Variants in RICTOR observed in about 807,000 individuals in gnomAD.
RICTOR encodes rapamycin-insensitive companion of mTOR.
A neutral mutation model predicts 214.9 loss-of-function variants in RICTOR; 49 were observed. The observed-to-expected ratio is 0.23, with a 90% CI of 0.18 to 0.29. The LOEUF (loss-of-function observed/expected upper bound fraction) is 0.29. Ranked by LOEUF, RICTOR falls within the 10% of genes least tolerant of loss-of-function variation. The pLI, the probability that RICTOR is intolerant of heterozygous loss-of-function variation, is 1.00. For missense variants in RICTOR, 1,625 were observed against 2,047.0 expected, an observed-to-expected ratio of 0.79 and a Z score of 3.98; for synonymous variants, 717 against 711.3, an observed-to-expected ratio of 1.01 and a Z score of -0.13.
chr5:39,007,581 C>T (rs1028071561), intron 3 of RICTOR, among the ~76,000 whole-genome samples: 8 of 151,874 alleles, frequency 5.3e-5, no homozygotes, highest in Non-Finnish European at 1.2e-4. Flanking sequence ...AAGGTTGAAA[C>T]AAATTGAGGA....
intron 2 of RICTOR, among the ~76,000 whole-genome samples, chr5:39,068,813 T>C (rs1462362571): frequency 1.3e-5 from 2 of 152,166 alleles, no homozygotes; most frequent in East Asian, 1.9e-4. Flanking sequence ...CTAGCTTGAA[T>C]AACAGAGGAT....
rs145105343 is a variant in RICTOR, at chr5:39,030,635, G to A, written c.98-9499C>T. ...ATAACATGAACCAAGATTCTATGAA[G>A]AGTTTTAAGCTTTATGAGGACAAGG... is the stretch of plus-strand genomic sequence containing the variant. On this transcript the variant is annotated intron_variant, in intron 2 of 37. Transcript: ENST00000357387. Among the ~76,000 whole-genome samples the A allele has an allele frequency of 3.0e-4, 45 of 152,238 alleles. 1 individual carries two copies. The East Asian group carries it at 8.1e-3, about 27-fold the overall frequency.
chr5:39,065,826 G>A (rs1758864855), intron 2 of RICTOR, among the ~76,000 whole-genome samples: 1 of 152,256 alleles, frequency 6.6e-6, no homozygotes, highest in Non-Finnish European at 1.5e-5. Flanking sequence ...CAAAGGGTGG[G>A]CTCCCAAGGC....
chr5:38,942,703 G>A lies in RICTOR; in HGVS notation c.5052+130C>T, dbSNP rs550796214. ...ATTCCTGGGCTCAAGCAATTCTCCC[G>A]CGCTGACCCCACAAAGTGCTGGGAT... On this transcript the variant is annotated intron_variant, in intron 37 of 37. Coordinates refer to ENST00000357387, the MANE Select transcript of RICTOR (RefSeq NM_152756.5). 85 of 712,064 alleles carry A rather than the reference G, an allele frequency of 1.2e-4. 1 individual carries two copies. The highest frequency in any genetic ancestry group is 2.5e-4 in the South Asian group (14 of 56,568). 44.1% of individuals were successfully genotyped at this position (712,064 alleles called of 1,614,324 possible). A position where few individuals can be genotyped will look rare whatever the true frequency, so the allele number is the denominator to read the frequency against.
intron 21 of RICTOR, 89 bp from the exon 22 acceptor site, chr5:38,959,410 G>T: frequency 1.3e-6 from 1 of 743,632 alleles, no homozygotes; most frequent in Non-Finnish European, 2.1e-6. Context: ...CTTTACTGAA[G>T]TATAAATGAC....
In RICTOR at chr5:38,951,214, C is replaced by T. The variant is rs536213244; in HGVS notation, c.3128-494G>A. ...ATTCATGTTTAAATTATGTTTATTT[C>T]TCATTTTACCTTAGATACTAAGAAA... On this transcript the variant is annotated intron_variant, in intron 30 of 37. Transcript: ENST00000357387. Among the ~76,000 whole-genome samples the T allele has an allele frequency of 2.0e-5, 3 of 152,012 alleles. No homozygotes were observed. In the East Asian group the frequency reaches 5.8e-4, roughly 29 times the overall value.
chr5:38,960,346 G>C, intron 20 of RICTOR, 52 bp downstream of exon 20: 3 of 1,565,630 alleles, frequency 1.9e-6, no homozygotes. Context: ...GAGGGTAAGG[G>C]AAGCAAATTC....
Position 38,966,562 on chromosome 5 carries a change from C to G in RICTOR, c.1299+79G>C, listed in dbSNP as rs1005747166. ...AATTTATTTTTGAGATAATACAAAGCAACACTATTAAAATAACTTGTTTTA... is the reference window on the plus strand; with the variant it reads ...AATTTATTTTTGAGATAATACAAAGGAACACTATTAAAATAACTTGTTTTA... On this transcript the variant is annotated intron_variant, in intron 15 of 37. Coordinates refer to ENST00000357387, the MANE Select transcript of RICTOR (RefSeq NM_152756.5). The G allele has an allele frequency of 8.7e-5, 65 of 743,446 alleles. No homozygotes were observed. The East Asian group carries it at 1.7e-3, about 20-fold the overall frequency. The allele number at this position is 743,446 out of a possible 1,614,324, so 46.1% of individuals were successfully genotyped here. A position where few individuals can be genotyped will look rare whatever the true frequency, so the allele number is the denominator to read the frequency against.
At chr5:39,012,041 C>T (rs755723993) in intron 3 of RICTOR, among the ~76,000 whole-genome samples, 4 of 152,138 alleles carry the variant, frequency 2.6e-5, no homozygotes, top group Admixed American at 6.5e-5. Context: ...TGTGTTCCCA[C>T]CCAAATCTCA....
chr5:38,949,663 T>G lies in RICTOR; in HGVS notation c.4136+49A>C, dbSNP rs117977598. 9,566 of 1,489,082 alleles carry G rather than the reference T, an allele frequency of 6.4e-3. 346 individuals are homozygous for G. The East Asian group carries it at 0.11, about 16-fold the overall frequency. The allele number at this position is 1,489,082 out of a possible 1,614,324, so 92.2% of individuals were successfully genotyped here. A position where few individuals can be genotyped will look rare whatever the true frequency, so the allele number is the denominator to read the frequency against. On this transcript the variant is annotated intron_variant, in intron 31 of 37. Coordinates refer to ENST00000357387, the MANE Select transcript of RICTOR (RefSeq NM_152756.5). ...CTGGCTAACATTTTGTATTTAAATT[T>G]GTTAAAATGCAACCATTATTGGTCA...
chr5:39,065,249 G>C (rs1323329643), intron 2 of RICTOR, among the ~76,000 whole-genome samples: 2 of 152,158 alleles, frequency 1.3e-5, no homozygotes, highest in African/African-American at 4.8e-5. Flanking sequence ...CAGAGCGGGA[G>C]CAAGAGGGAG....
At chr5:38,994,436 A>AC in intron 6 of RICTOR, among the ~76,000 whole-genome samples, 1 of 145,002 alleles carries the variant, frequency 6.9e-6, no homozygotes, top group Non-Finnish European at 1.5e-5. Context: ...AAAAAAAAAA[A>AC]AAAAAAAAAA....
chr5:38,949,904 G>A lies in RICTOR; in HGVS notation c.3944C>T (p.Ala1315Val), dbSNP rs2112847948. The A allele has an allele frequency of 1.2e-6, 2 of 1,613,380 alleles. No homozygotes were observed. The highest frequency in any genetic ancestry group is 1.7e-6 in the Non-Finnish European group (2 of 1,179,508). The change falls in exon 31 of 38, where the codon GCA becomes GTA. Residue 1315 changes from alanine to valine, a missense_variant. Around this residue, in one of 5 missense-constraint regions of RICTOR, gnomAD observed 1,214 missense variants for 1,470.5 expected, o/e 0.83. Transcript: ENST00000357387. Reference protein sequence around the residue: ...APSIATIKSLADCNFSYTSSR... With the variant: ...APSIATIKSLVDCNFSYTSSR... ...ACTTGTGTAACTAAAGTTACAATCT[G>A]CTAGACTTTTAATTGTAGCAATAGA...
chr5:38,950,624 C>A lies in RICTOR; in HGVS notation c.3224G>T (p.Arg1075Leu), dbSNP rs370517295. 2 of 1,612,892 alleles carry A rather than the reference C, an allele frequency of 1.2e-6. No homozygotes were observed. Among genetic ancestry groups the A allele is most frequent in the Non-Finnish European group, 1.7e-6 (2 of 1,179,220 alleles). Residue 1075 changes from arginine to leucine, a missense_variant, in exon 31 of 38, where the codon CGA becomes CTA. Around this residue, in one of 5 missense-constraint regions of RICTOR, gnomAD observed 1,214 missense variants for 1,470.5 expected, o/e 0.83. Transcript: ENST00000357387. ...ATTTTTATCCTTTATGGGTCCAGAT[C>A]GGTCATAAAATGTTGGCTCTGTATC... ...NEDTEPTFYDRSGPIKDKNSF... is the reference protein window; with the variant it reads ...NEDTEPTFYDLSGPIKDKNSF...
At chr5:38,961,824 G>C (rs1749819542) in intron 19 of RICTOR, among the ~76,000 whole-genome samples, 1 of 152,000 alleles carries the variant, frequency 6.6e-6, no homozygotes, top group South Asian at 2.1e-4. Flanking sequence ...CTAAACTCAG[G>C]AGTAAAAACA....
intron 2 of RICTOR, among the ~76,000 whole-genome samples, chr5:39,045,905 C>T (rs995489116): frequency 4.0e-5 from 6 of 151,786 alleles, no homozygotes; most frequent in East Asian, 1.9e-4. Context: ...ATGTTGTTAC[C>T]GTATTATTTT....
chr5:39,002,363 T>G (rs1753701403), intron 5 of RICTOR, among the ~76,000 whole-genome samples, 172 bp downstream of exon 5: 1 of 150,302 alleles, frequency 6.7e-6, no homozygotes, highest in Admixed American at 6.7e-5. Context: ...CTGAAAATGT[T>G]CTAAATCTTG....
chr5:38,998,603 C>T (rs1042043538), intron 5 of RICTOR, among the ~76,000 whole-genome samples: 4 of 152,164 alleles, frequency 2.6e-5, no homozygotes, highest in African/African-American at 9.7e-5. Flanking sequence ...ACAAATAGAA[C>T]ACAGGTGATT....
chr5:38,943,323 T>C (rs148486866), intron 36 of RICTOR: 4 of 170,754 alleles, frequency 2.3e-5, no homozygotes, highest in African/African-American at 9.5e-5. Context: ...TAAAGTTAAG[T>C]TATTAACATC....
Sources: gnomAD v4.1 joint callset for allele counts (sites outside exome capture counted in the v4.1 genomes callset) on GRCh38, gnomAD v4.1.1 for gene constraint, gnomAD v4.1.1 regional missense constraint, MANE v1.5 for transcripts, NCBI Gene and HGNC (gene_info 2026-07-23, HGNC 2026-07-21) for gene names.